The following PSKH1 variants were observed in gnomAD, a reference collection of about 807,000 sequenced individuals.
PSKH1 encodes protein serine kinase H1, also known as serine/threonine-protein kinase H1.
In PSKH1, 12 loss-of-function variants were observed where a neutral mutation model predicts 26.7. The ratio of observed to expected loss-of-function variants is 0.45; its 90% CI spans 0.29 to 0.73. The LOEUF is 0.73. Ranked by LOEUF, PSKH1 falls within the 30% of genes least tolerant of loss-of-function variation. The pLI is 0.11. For missense variants in PSKH1, 431 were observed against 595.2 expected, an observed-to-expected ratio of 0.72 and a Z score of 2.87; for synonymous variants, 213 against 234.3, an observed-to-expected ratio of 0.91 and a Z score of 0.83.
chr16:67,912,492 G>A (rs920285080), intron 2 of PSKH1, among the ~76,000 whole-genome samples: 2 of 152,186 alleles, frequency 1.3e-5, no homozygotes, highest in African/African-American at 4.8e-5. Context: ...TAACGTTGGG[G>A]CAATGCCTTG....
At chr16:67,910,123 T>C in intron 2 of PSKH1, 1 of 349,886 alleles carries the variant, frequency 2.9e-6, no homozygotes, top group Middle Eastern at 7.7e-4. Flanking sequence ...TTTAATCCAC[T>C]GACTCCTGTA....
chr16:67,902,713 G>A (rs559659042), intron 1 of PSKH1, among the ~76,000 whole-genome samples: 1 of 152,226 alleles, frequency 6.6e-6, no homozygotes, highest in Admixed American at 6.5e-5. Context: ...TGTTTATTTT[G>A]TGAATCTAGG....
chr16:67,915,936 G>A (rs1469321450), intron 2 of PSKH1, among the ~76,000 whole-genome samples: 2 of 152,222 alleles, frequency 1.3e-5, no homozygotes, highest in African/African-American at 4.8e-5. Flanking sequence ...TGCCTGGGGA[G>A]AAGGAACTAG....
chr16:67,896,534 T>G (rs576451013), intron 1 of PSKH1, among the ~76,000 whole-genome samples: 94 of 148,524 alleles, frequency 6.3e-4, no homozygotes, highest in Admixed American at 3.9e-3. Context: ...ATAGTGTGCT[T>G]CTTTTTTTTT....
At chr16:67,893,618 T>C (rs943266174) in intron 1 of PSKH1, among the ~76,000 whole-genome samples, 2 of 152,240 alleles carry the variant, frequency 1.3e-5, no homozygotes, top group African/African-American at 4.8e-5. Context: ...CCAGGCCCGC[T>C]TGGGCCTGGT....
At chr16:67,920,531 T>C (rs2058199289) in intron 2 of PSKH1, among the ~76,000 whole-genome samples, 1 of 152,160 alleles carries the variant, frequency 6.6e-6, no homozygotes, top group Non-Finnish European at 1.5e-5. Context: ...AGTGCTGAGA[T>C]TAAAGGCGTG....
chr16:67,902,648 C>T (rs1378911152), intron 1 of PSKH1, among the ~76,000 whole-genome samples: 3 of 152,106 alleles, frequency 2.0e-5, no homozygotes, highest in Non-Finnish European at 4.4e-5. Flanking sequence ...AGACTAGGTC[C>T]TCATTTAAAC....
At chr16:67,920,497 G>C (rs532796562) in intron 2 of PSKH1, among the ~76,000 whole-genome samples, 1 of 152,144 alleles carries the variant, frequency 6.6e-6, no homozygotes, top group Admixed American at 6.6e-5. Flanking sequence ...GGCCTCAAGT[G>C]ATCCTCCTGC....
chr16:67,924,032 GGCT>G (rs2058209961), intron 2 of PSKH1, among the ~76,000 whole-genome samples: 2 of 152,196 alleles, frequency 1.3e-5, no homozygotes, highest in South Asian at 4.1e-4. Flanking sequence ...GGCTTCCAGA[GGCT>G]GCTATTCTGA....
At chr16:67,901,391 G>A (rs1357952809) in intron 1 of PSKH1, among the ~76,000 whole-genome samples, 1 of 152,110 alleles carries the variant, frequency 6.6e-6, no homozygotes, top group Non-Finnish European at 1.5e-5. Flanking sequence ...GAGTGCAGTG[G>A]CGCGATCTCA....
intron 2 of PSKH1, among the ~76,000 whole-genome samples, chr16:67,920,287 C>G (rs1398766069): frequency 1.3e-5 from 2 of 152,128 alleles, no homozygotes; most frequent in East Asian, 3.8e-4. Context: ...GAGACAAGGT[C>G]TTGTTGTAGA....
At chr16:67,902,367 C>G (rs946516892) in intron 1 of PSKH1, among the ~76,000 whole-genome samples, 1 of 152,040 alleles carries the variant, frequency 6.6e-6, no homozygotes, top group Non-Finnish European at 1.5e-5. Context: ...GTGGTGCGAT[C>G]TCGGCTCACT....
intron 1 of PSKH1, among the ~76,000 whole-genome samples, chr16:67,899,331 ATTTT>A (rs555492519): frequency 7.8e-6 from 1 of 128,276 alleles, no homozygotes; most frequent in African/African-American, 3.0e-5. Context: ...GCCAGACCAC[ATTTT>A]TTTTTTTTTT....
At chr16:67,899,241 A>G (rs1267643372) in intron 1 of PSKH1, among the ~76,000 whole-genome samples, 3 of 151,644 alleles carry the variant, frequency 2.0e-5, no homozygotes, top group Non-Finnish European at 2.9e-5. Context: ...GAGTGTGGCT[A>G]TGGTTTAACC....
intron 2 of PSKH1, among the ~76,000 whole-genome samples, chr16:67,919,238 C>T (rs1488988964): frequency 6.6e-6 from 1 of 152,270 alleles, no homozygotes; most frequent in South Asian, 2.1e-4. Context: ...GCTTTAATTG[C>T]CTGACTTTTC....
chr16:67,895,835 G>C (rs975589065), intron 1 of PSKH1, among the ~76,000 whole-genome samples: 28 of 152,238 alleles, frequency 1.8e-4, no homozygotes, highest in African/African-American at 5.8e-4. Flanking sequence ...GTGGACTCCT[G>C]TTGTGGTCTC....
Position 67,909,191 on chromosome 16 carries a change from C to T in PSKH1, c.442C>T (p.Arg148Cys), listed in dbSNP as rs531259214. The T allele has an allele frequency of 5.0e-6, 8 of 1,614,100 alleles. No homozygotes were observed. Among genetic ancestry groups the T allele is most frequent in the East Asian group, 2.2e-5 (1 of 44,880 alleles). ...GTGTGAGTCGGAGCTGCGTGTGCTG[C>T]GTCGGGTGCGTCATGCCAACATCAT... ...EVCESELRVL[R>C]RVRHANIIQL... is the part of the protein sequence containing the mutation. The change falls in exon 2 of 3, where the codon CGT becomes TGT. Residue 148 changes from arginine (R) to cysteine (C), a missense_variant. Transcript: ENST00000291041. This position sits in a 1 kb window ranked among gnomAD's most constrained non-coding sequence, Gnocchi z 7.8.
chr16:67,927,213 G>A lies in PSKH1; in HGVS notation c.958-112G>A. 1 of 1,121,832 alleles carries A rather than the reference G, an allele frequency of 8.9e-7. No homozygotes were observed. The highest frequency in any genetic ancestry group is 1.5e-5 in the South Asian group (1 of 66,552). 69.5% of individuals were successfully genotyped at this position (1,121,832 alleles called of 1,614,324 possible). On this transcript the variant is annotated intron_variant, in intron 2 of 2. Transcript: ENST00000291041. This position sits in a 1 kb window ranked among gnomAD's most constrained non-coding sequence, Gnocchi z 5.5. ...GGGAGGCCCCAAGTGCTACATGAGA[G>A]GAGGGGCAGCACCTCTCTCTGGAAA... is the stretch of plus-strand genomic sequence containing the variant.
In PSKH1 at chr16:67,909,837, A is replaced by T. The variant is rs2058168466; in HGVS notation, c.957+131A>T. 3 of 791,228 alleles carry T rather than the reference A, an allele frequency of 3.8e-6. No homozygotes were observed. The highest frequency in any genetic ancestry group is 4.0e-6 in the Non-Finnish European group (2 of 500,432). The allele number at this position is 791,228 out of a possible 1,614,324, so 49.0% of individuals were successfully genotyped here. A position where few individuals can be genotyped will look rare whatever the true frequency, so the allele number is the denominator to read the frequency against. ...GGGCCAGGCAGGTCATATAAAAGGG[A>T]CAAAGTGAGACTATCAGAATGTAGT... On this transcript the variant is annotated intron_variant, in intron 2 of 2. Transcript: ENST00000291041. This position sits in a 1 kb window ranked among gnomAD's most constrained non-coding sequence, Gnocchi z 7.8.
Sources: allele counts gnomAD v4.1 joint callset (sites outside exome capture counted in the v4.1 genomes callset), GRCh38; gene constraint gnomAD v4.1.1; non-coding constraint Gnocchi (gnomAD v3.1); transcripts MANE v1.5; gene names NCBI Gene and HGNC (gene_info 2026-07-23, HGNC 2026-07-21).